The following TET1 variants were observed in gnomAD, a reference collection of about 807,000 sequenced individuals.
TET1 encodes the protein methylcytosine dioxygenase TET1.
In TET1, 13 loss-of-function variants were observed where a neutral mutation model predicts 148.7. The observed-to-expected ratio is 0.09, with a 90% CI of 0.06 to 0.14. The LOEUF (loss-of-function observed/expected upper bound fraction) is 0.14. TET1 is among the 10% of genes least tolerant of loss of function. TET1 has a pLI of 1.00. For missense variants in TET1, 2,182 were observed against 2,553.8 expected, an observed-to-expected ratio of 0.85 and a Z score of 3.14; for synonymous variants, 907 against 937.2, an observed-to-expected ratio of 0.97 and a Z score of 0.59.
chr10:68,620,255 ACAAT>A (rs780138288), intron 3 of TET1, among the ~76,000 whole-genome samples: 5 of 152,196 alleles, frequency 3.3e-5, no homozygotes, highest in Non-Finnish European at 7.3e-5. Flanking sequence ...ATCTATCATG[ACAAT>A]CAATTTTAGA....
chr10:68,601,716 A>G (rs1246745147), intron 3 of TET1, among the ~76,000 whole-genome samples: 1 of 152,232 alleles, frequency 6.6e-6, no homozygotes, highest in East Asian at 1.9e-4. Flanking sequence ...TGGCATCACT[A>G]AAAGTTCAAG....
chr10:68,610,788 T>C (rs944788827), intron 3 of TET1, among the ~76,000 whole-genome samples: 1 of 152,028 alleles, frequency 6.6e-6, no homozygotes, highest in African/African-American at 2.4e-5. Context: ...CCCAAATAGC[T>C]GGGACCATAG....
In TET1 at chr10:68,591,079, T is replaced by A. The variant is rs144132387; in HGVS notation, c.1915-9902T>A. On this transcript the variant is annotated intron_variant, in intron 2 of 11. Coordinates refer to ENST00000373644, the MANE Select transcript of TET1 (RefSeq NM_030625.3). Reference sequence around the variant, plus strand: ...CATGTTGGTCAGGCTGGTCTCGAACTCCCGACCTCAGGTGATCCACCTGCC... The same window carrying A: ...CATGTTGGTCAGGCTGGTCTCGAACACCCGACCTCAGGTGATCCACCTGCC... 6.3e-3 allele frequency among the ~76,000 whole-genome samples: 966 copies of A among 152,274 alleles called. 17 individuals carry two copies. The highest frequency in any genetic ancestry group is 0.022 in the African/African-American group (923 of 41,560).
At chr10:68,655,498 C>T (rs1379836318) in intron 6 of TET1, among the ~76,000 whole-genome samples, 1 of 152,160 alleles carries the variant, frequency 6.6e-6, no homozygotes, top group Non-Finnish European at 1.5e-5. Flanking sequence ...AATATGTCCT[C>T]ATGTTGTGGC....
intron 2 of TET1, among the ~76,000 whole-genome samples, chr10:68,580,641 G>T (rs2053783410): frequency 6.6e-6 from 1 of 151,452 alleles, no homozygotes; most frequent in African/African-American, 2.4e-5. Context: ...AATTAGCCGG[G>T]TGTGGTGGTG....
At chr10:68,687,033 G>A (rs1164910916) in intron 11 of TET1, among the ~76,000 whole-genome samples, 2 of 151,820 alleles carry the variant, frequency 1.3e-5, no homozygotes, top group East Asian at 3.9e-4. Flanking sequence ...GACCACAGGC[G>A]CCCGCCACCA....
In TET1 at chr10:68,573,654, C is replaced by T; in HGVS notation, c.1316C>T (p.Pro439Leu). The T allele has an allele frequency of 6.2e-7, 1 of 1,614,124 alleles. No homozygotes were observed. The highest frequency in any genetic ancestry group is 2.2e-5 in the East Asian group (1 of 44,880). The change falls in exon 2 of 12, where the codon CCA becomes CTA. Residue 439 changes from proline (P) to leucine (L), a missense_variant. Pro to Leu is a moderately conservative substitution (Grantham distance 98, BLOSUM62 -3). Transcript: ENST00000373644. ...LPVFLPVPPN[P>L]IATFNAPSKW... ...GTCTTCCTTCCTGTTCCTCCAAATC[C>T]AATTGCTACCTTTAATGCTCCTTCC... is the stretch of plus-strand genomic sequence containing the variant.
intron 1 of TET1, among the ~76,000 whole-genome samples, chr10:68,570,653 A>G (rs28564120): frequency 0.21 from 32,315 of 150,890 alleles, 3,607 homozygotes; most frequent in South Asian, 0.26. Context: ...TTTTTGAGAC[A>G]GAGTCTTGCT....
At chr10:68,583,489 G>C (rs921662025) in intron 2 of TET1, among the ~76,000 whole-genome samples, 23 of 152,164 alleles carry the variant, frequency 1.5e-4, no homozygotes, top group African/African-American at 5.5e-4. Context: ...ATTATCATCA[G>C]CTTTTCATGT....
intron 6 of TET1, among the ~76,000 whole-genome samples, chr10:68,663,858 C>T (rs768153186): frequency 1.3e-5 from 2 of 152,168 alleles, no homozygotes; most frequent in Non-Finnish European, 2.9e-5. Context: ...CCAAATTTGC[C>T]TGCTGTAGCA....
At chr10:68,686,737 C>T (rs952975435) in intron 11 of TET1, 30 bp downstream of exon 11, 15 of 1,576,466 alleles carry the variant, frequency 9.5e-6, no homozygotes, top group Non-Finnish European at 1.2e-5. Context: ...GTAATCTCTG[C>T]ACAACTTTGA....
intron 8 of TET1, among the ~76,000 whole-genome samples, chr10:68,675,564 AT>A (rs11313882): frequency 0.26 from 34,379 of 131,296 alleles, 4,067 homozygotes; most frequent in African/African-American, 0.35. Flanking sequence ...TATCCACGTC[AT>A]TTTTTTTTTT....
In TET1 at chr10:68,623,697, C is replaced by T. The variant is rs115281191; in HGVS notation, c.1969-21001C>T. Reference sequence around the variant, plus strand: ...AAAATCCAGCAACACCACCAGGCAACGGGTAAAGTGTGTAGAAATTCAGTG... The same window carrying T: ...AAAATCCAGCAACACCACCAGGCAATGGGTAAAGTGTGTAGAAATTCAGTG... On this transcript the variant is annotated intron_variant, in intron 3 of 11. Transcript: ENST00000373644. 3.7e-3 allele frequency among the ~76,000 whole-genome samples: 569 copies of T among 152,250 alleles called. 3 individuals are homozygous for T. Among genetic ancestry groups the T allele is most frequent in the African/African-American group, 0.013 (539 of 41,548 alleles).
At chr10:68,593,225 T>A (rs2053938445) in intron 2 of TET1, among the ~76,000 whole-genome samples, 1 of 114,202 alleles carries the variant, frequency 8.8e-6, no homozygotes, top group Non-Finnish European at 1.7e-5. Context: ...AGTGAAACTC[T>A]GTCTCAAAAA....
rs747237722 is a variant in TET1 at position 68,646,016 on chromosome 10, A to C, written c.3287A>C (p.Glu1096Ala). ...ATTAAGATCAATTATATAAAACCAGAGGACAAAAAAGTTGAAAGTACACCA... is the reference window on the plus strand; with the variant it reads ...ATTAAGATCAATTATATAAAACCAGCGGACAAAAAAGTTGAAAGTACACCA... ...SIIKINYIKP[E>A]DKKVESTPTS... The change falls in exon 4 of 12, where the codon GAG becomes GCG. Residue 1096 changes from glutamate (E) to alanine (A), a missense_variant. Glu to Ala is a moderately radical substitution (Grantham distance 107). Coordinates refer to ENST00000373644, the MANE Select transcript of TET1 (RefSeq NM_030625.3). The C allele has an allele frequency of 4.3e-6, 7 of 1,613,998 alleles. No homozygotes were observed. The Admixed American group carries it at 1.2e-4, about 27-fold the overall frequency.
intron 6 of TET1, among the ~76,000 whole-genome samples, chr10:68,659,454 G>C (rs2055073593): frequency 6.6e-6 from 1 of 152,024 alleles, no homozygotes; most frequent in South Asian, 2.1e-4. Context: ...GAGTAGCTGG[G>C]ATTACAGGCG....
At chr10:68,616,643 C>T (rs912240378) in intron 3 of TET1, among the ~76,000 whole-genome samples, 1 of 152,056 alleles carries the variant, frequency 6.6e-6, no homozygotes, top group Non-Finnish European at 1.5e-5. Flanking sequence ...TCACACGATC[C>T]TCTCGATTCA....
At chr10:68,578,927 A>C (rs1476863190) in intron 2 of TET1, among the ~76,000 whole-genome samples, 1 of 152,106 alleles carries the variant, frequency 6.6e-6, no homozygotes, top group Non-Finnish European at 1.5e-5. Flanking sequence ...TGAGGTGGGA[A>C]GATTGCGTGA....
Position 68,688,660 on chromosome 10 carries a change from G to A in TET1, c.5404+1953G>A, listed in dbSNP as rs534716067. 1.1e-4 allele frequency among the ~76,000 whole-genome samples: 16 copies of A among 151,542 alleles called. No homozygotes were observed. The East Asian group carries it at 2.9e-3, about 28-fold the overall frequency. The stretch of plus-strand genomic sequence containing the variant: ...TCACCGTGTTAGCCAGGATGGTCTC[G>A]ATCTCCTGACCTCGTGATCTGCCCG... On this transcript the variant is annotated intron_variant, in intron 11 of 11. Coordinates refer to ENST00000373644, the MANE Select transcript of TET1 (RefSeq NM_030625.3).
Sources: allele counts gnomAD v4.1 joint callset (sites outside exome capture counted in the v4.1 genomes callset), GRCh38; gene constraint gnomAD v4.1.1; transcripts MANE v1.5; gene names NCBI Gene and HGNC (gene_info 2026-07-23, HGNC 2026-07-21).